Variants in DMXL1 observed in about 807,000 individuals in gnomAD.
DMXL1 encodes the protein Dmx like 1.
DMXL1 carries 99 observed loss-of-function variants against 319.2 expected under a neutral mutation model. That is an observed-to-expected ratio of 0.31 (90% CI 0.26 to 0.37). The LOEUF (loss-of-function observed/expected upper bound fraction) is 0.37. DMXL1 is among the 10% of genes least tolerant of loss of function. The pLI, the probability that DMXL1 is intolerant of heterozygous loss-of-function variation, is 1.00. For synonymous variants in DMXL1, 1,385 were observed against 1,235.2 expected (o/e 1.12, Z -2.54); for missense variants, 3,745 against 3,595.6 (o/e 1.04, Z -1.06).
chr5:119,090,153 T>G (rs1484388253), intron 1 of DMXL1, among the ~76,000 whole-genome samples: 1 of 150,620 alleles, frequency 6.6e-6, no homozygotes. Context: ...CCCGAGTAGC[T>G]GGGATTATAG....
chr5:119,212,379 G>A (rs1453736720), intron 34 of DMXL1, among the ~76,000 whole-genome samples: 1 of 152,162 alleles, frequency 6.6e-6, no homozygotes, highest in African/African-American at 2.4e-5. Flanking sequence ...TTTAGCATGT[G>A]TCAGAATTTC....
At chr5:119,219,908 G>T (rs1482149034) in intron 35 of DMXL1, among the ~76,000 whole-genome samples, 3 of 151,800 alleles carry the variant, frequency 2.0e-5, no homozygotes, top group African/African-American at 7.3e-5. Context: ...AAAATTTCAT[G>T]TCATTTAACC....
rs1401254341 is a variant in DMXL1, at chr5:119,181,347, G to A, written c.7135+3103G>A. On this transcript the variant is annotated intron_variant, in intron 28 of 43. Transcript: ENST00000539542. ...TATAGTCATATCCAGGTTATATGGTGCTCATCTGTCCTTGAGTACCCAGAA... is the reference window on the plus strand; with the variant it reads ...TATAGTCATATCCAGGTTATATGGTACTCATCTGTCCTTGAGTACCCAGAA... Among the ~76,000 whole-genome samples the A allele has an allele frequency of 1.7e-4, 26 of 152,136 alleles. 1 individual carries two copies. The highest frequency in any genetic ancestry group is 1.6e-3 in the Admixed American group (25 of 15,288).
chr5:119,151,913 C>G lies in DMXL1; in HGVS notation c.4595-16C>G. The stretch of plus-strand genomic sequence containing the variant: ...TTTTTTTTTTAATACATTGCTTCCC[C>G]TTTCTCCCATTGCAGGTGGAGAAAC... On this transcript the variant is annotated splice_polypyrimidine_tract_variant and intron_variant, in intron 18 of 43. Coordinates refer to ENST00000539542, the MANE Select transcript of DMXL1 (RefSeq NM_001290321.3). 10 of 1,567,708 alleles carry G rather than the reference C, an allele frequency of 6.4e-6. No individual in the cohort carries two copies. Among genetic ancestry groups the G allele is most frequent in the Non-Finnish European group, 6.1e-6 (7 of 1,139,880 alleles).
At chr5:119,155,122 A>T (rs1004437211) in intron 19 of DMXL1, among the ~76,000 whole-genome samples, 1 of 152,234 alleles carries the variant, frequency 6.6e-6, no homozygotes, top group African/African-American at 2.4e-5. Flanking sequence ...AAGAGCTCTG[A>T]TGCAGGTGTA....
chr5:119,165,031 A>G, intron 20 of DMXL1, 152 bp from the exon 21 acceptor site: 1 of 526,520 alleles, frequency 1.9e-6, no homozygotes, highest in Non-Finnish European at 3.3e-6. Context: ...CACTTTTGTT[A>G]TTATTTTATA....
intron 34 of DMXL1, among the ~76,000 whole-genome samples, chr5:119,211,257 T>C (rs1307510165): frequency 6.6e-6 from 1 of 152,180 alleles, no homozygotes; most frequent in Non-Finnish European, 1.5e-5. Context: ...CTCAGATTAG[T>C]GCTAGACTCT....
At chr5:119,151,866 T>A (rs1581037883) in intron 18 of DMXL1, 63 bp from the exon 19 acceptor site, 1 of 996,782 alleles carries the variant, frequency 1.0e-6, no homozygotes, top group African/African-American at 1.6e-5. Flanking sequence ...TATGCCTATA[T>A]TGGGTGTTCT....
At chr5:119,132,455 T>C (rs1580912120) in intron 10 of DMXL1, among the ~76,000 whole-genome samples, 2 of 152,024 alleles carry the variant, frequency 1.3e-5, no homozygotes, top group Non-Finnish European at 2.9e-5. Context: ...CCGAGGCAGG[T>C]GGATCACGAG....
intron 30 of DMXL1, among the ~76,000 whole-genome samples, chr5:119,195,091 A>G (rs1224225823): frequency 6.6e-6 from 1 of 152,010 alleles, no homozygotes; most frequent in Non-Finnish European, 1.5e-5. Flanking sequence ...AAAACAAAAA[A>G]AATAACAGTG....
At chr5:119,203,620 A>T (rs1781221793) in intron 33 of DMXL1, among the ~76,000 whole-genome samples, 184 bp downstream of exon 33, 1 of 152,176 alleles carries the variant, frequency 6.6e-6, no homozygotes, top group Non-Finnish European at 1.5e-5. Flanking sequence ...AATTTAATTA[A>T]TTCAAATGTA....
intron 5 of DMXL1, among the ~76,000 whole-genome samples, chr5:119,113,976 A>G (rs953957902): frequency 2.6e-5 from 4 of 152,234 alleles, no homozygotes; most frequent in African/African-American, 9.6e-5. Flanking sequence ...AATGAACCAA[A>G]GTTCCTTTGA....
intron 21 of DMXL1, among the ~76,000 whole-genome samples, chr5:119,165,758 CCAACA>C (rs1773303293): frequency 6.6e-6 from 1 of 152,166 alleles, no homozygotes; most frequent in Non-Finnish European, 1.5e-5. Context: ...GTTTGTAAAA[CCAACA>C]AGTCTCTTGA....
At chr5:119,077,878 G>GAT (rs548958640) in intron 1 of DMXL1, among the ~76,000 whole-genome samples, 176 of 94,570 alleles carry the variant, frequency 1.9e-3, no homozygotes, top group African/African-American at 5.8e-3. Flanking sequence ...TGTGTGTGTA[G>GAT]ATATATATAC....
intron 32 of DMXL1, 44 bp downstream of exon 32, chr5:119,198,000 G>C (rs780001508): frequency 6.3e-7 from 1 of 1,587,238 alleles, no homozygotes; most frequent in Non-Finnish European, 8.6e-7. Flanking sequence ...TTGTTTGTTT[G>C]TTTTTTGAGA....
intron 2 of DMXL1, among the ~76,000 whole-genome samples, chr5:119,099,186 G>GT (rs1309911605): frequency 5.4e-5 from 5 of 91,914 alleles, no homozygotes; most frequent in Non-Finnish European, 8.7e-5. Context: ...TTTTTTTTTT[G>GT]TTTTTTGTTT....
intron 34 of DMXL1, among the ~76,000 whole-genome samples, chr5:119,215,463 A>G (rs112000597): frequency 6.0e-4 from 92 of 152,130 alleles, no homozygotes; most frequent in Admixed American, 2.4e-3. Flanking sequence ...GCGCACCATC[A>G]CGCCTGGCTA....
intron 2 of DMXL1, 81 bp from the exon 3 acceptor site, chr5:119,101,854 T>G (rs1757349829): frequency 1.1e-6 from 1 of 885,030 alleles, no homozygotes; most frequent in Non-Finnish European, 1.8e-6. Context: ...TATTTAAAGT[T>G]ATAGTATTCA....
rs752622065 is a variant in DMXL1 at position 119,150,119 on chromosome 5, C to T, written c.4292C>T (p.Thr1431Met). 10 of 1,613,472 alleles carry T rather than the reference C, an allele frequency of 6.2e-6. 1 individual carries two copies. The East Asian group carries it at 8.9e-5, about 14-fold the overall frequency. The change falls in exon 18 of 44, where the codon ACG becomes ATG. Residue 1431 changes from threonine (T) to methionine (M), a missense_variant. Physicochemically the swap from Thr to Met is moderately conservative, Grantham distance 81 (BLOSUM62 -1). Transcript: ENST00000539542. Reference protein sequence around the residue: ...SSLEKSSNESTLSKSNQLSKE... With the variant: ...SSLEKSSNESMLSKSNQLSKE... ...TTGGAGAAATCTAGTAATGAGAGTA[C>T]GTTAAGTAAATCAAACCAATTATCT... is the stretch of plus-strand genomic sequence containing the variant.
Sources: allele counts gnomAD v4.1 joint callset (sites outside exome capture counted in the v4.1 genomes callset), GRCh38; gene constraint gnomAD v4.1.1; transcripts MANE v1.5; gene names NCBI Gene and HGNC (gene_info 2026-07-23, HGNC 2026-07-21).